TRIM58: variants seen among roughly 807,000 people sequenced by gnomAD.
The protein encoded by TRIM58 is E3 ubiquitin-protein ligase TRIM58.
Under a neutral mutation model 34.1 loss-of-function variants are expected in TRIM58, and 38 were observed. The ratio of observed to expected loss-of-function variants is 1.12; its 90% CI spans 0.86 to 1.46. The LOEUF is 1.46. Ranked by LOEUF, TRIM58 falls within the 40% of genes most tolerant of loss-of-function variation. The pLI is 0.00. For missense variants in TRIM58, 677 were observed against 642.0 expected (o/e 1.05, Z -0.59); for synonymous variants, 273 against 275.7 (o/e 0.99, Z 0.10).
chr1:247,857,700 G>C, intron 1 of TRIM58, 34 bp downstream of exon 1: 4 of 1,214,384 alleles, frequency 3.3e-6, no homozygotes, highest in Non-Finnish European at 3.1e-6. Context: ...TGCGGGCGCT[G>C]CGGTGACCGG....
At chr1:247,869,097 A>G (rs1257959307) in intron 5 of TRIM58, among the ~76,000 whole-genome samples, 1 of 152,160 alleles carries the variant, frequency 6.6e-6, no homozygotes, top group African/African-American at 2.4e-5. Context: ...ACGGGGTCTC[A>G]CCATGTTAGC....
At chr1:247,869,100 A>G (rs934414575) in intron 5 of TRIM58, among the ~76,000 whole-genome samples, 3 of 152,180 alleles carry the variant, frequency 2.0e-5, no homozygotes, top group African/African-American at 4.8e-5. Context: ...GGGTCTCACC[A>G]TGTTAGCCAG....
chr1:247,878,499 C>T lies in TRIM58; in HGVS notation c.*2010C>T, dbSNP rs943838048. Among the ~76,000 whole-genome samples the T allele has an allele frequency of 9.2e-5, 14 of 152,174 alleles. No homozygotes were observed. The highest frequency in any genetic ancestry group is 1.5e-4 in the Non-Finnish European group (10 of 68,038). Reference sequence around the variant, plus strand: ...ATAGATTTGCAAACAGAGGAAATAACGCATCCTCGTGTCCCTCTTCTTGGT... The same window carrying T: ...ATAGATTTGCAAACAGAGGAAATAATGCATCCTCGTGTCCCTCTTCTTGGT... On this transcript the variant is annotated 3_prime_UTR_variant, in exon 6 of 6. Coordinates refer to ENST00000366481, the MANE Select transcript of TRIM58 (RefSeq NM_015431.4).
At position 247,878,016 on chromosome 1, in the gene TRIM58, A is replaced by T. The variant is rs1659329355; in HGVS notation, c.*1527A>T. 1 of 152,188 alleles carries T rather than the reference A, an allele frequency of 6.6e-6. No homozygotes were observed. Among genetic ancestry groups the T allele is most frequent in the South Asian group, 2.1e-4 (1 of 4,816 alleles). 9.4% of individuals were successfully genotyped at this position (152,188 alleles called of 1,614,324 possible). A position where few individuals can be genotyped will look rare whatever the true frequency, so the allele number is the denominator to read the frequency against. On this transcript the variant is annotated 3_prime_UTR_variant, in exon 6 of 6. Transcript: ENST00000366481. ...TCTACTAAAAATACAAAAAGAAATT[A>T]GCTGGGCGTGGTGGTGGGTGCCTGT...
At position 247,864,861 on chromosome 1, in the gene TRIM58, C is replaced by T; in HGVS notation, c.673C>T (p.Gln225Ter). Residue 225 changes from glutamine (Q) to a stop codon, truncating the protein, a stop_gained, in exon 3 of 6, where the codon CAG (glutamine) becomes TAG (stop). Transcript: ENST00000366481. LOFTEE classifies it high-confidence loss of function. ...GGAGAGCAAGAGCCGGCTGGTCCAG[C>T]AGAGCAAGGCCCTGAAGGAGCTGGC... ...LRESKSRLVQ[Q>*]SKALKELADE... is the part of the protein sequence containing the mutation. 1 of 1,611,628 alleles carries T rather than the reference C, an allele frequency of 6.2e-7. No individual in the cohort carries two copies. Among genetic ancestry groups the T allele is most frequent in the African/African-American group, 1.3e-5 (1 of 74,992 alleles).
At chr1:247,862,792 C>T (rs10788731) in intron 2 of TRIM58, among the ~76,000 whole-genome samples, 137,489 of 152,248 alleles carry the variant, frequency 0.9, 62,265 homozygotes, top group Non-Finnish European at 0.94. Context: ...GCAAACACAT[C>T]TTTGGTCAAA....
intron 1 of TRIM58, 56 bp from the exon 2 acceptor site, chr1:247,860,561 T>C: frequency 3.2e-6 from 4 of 1,239,520 alleles, no homozygotes; most frequent in Non-Finnish European, 4.7e-6. Context: ...CACACATCTG[T>C]GTGACGTTAG....
intron 3 of TRIM58, among the ~76,000 whole-genome samples, chr1:247,866,728 G>A (rs558323038): frequency 3.3e-5 from 5 of 152,196 alleles, no homozygotes; most frequent in South Asian, 4.2e-4. Flanking sequence ...TCAGCCTCCC[G>A]AGTAGCTGGG....
In TRIM58 at chr1:247,867,925, A is replaced by G. The variant is rs763712001; in HGVS notation, c.771-38A>G. 6 of 1,613,538 alleles carry G rather than the reference A, an allele frequency of 3.7e-6. No homozygotes were observed. In the African/African-American group the frequency reaches 8.0e-5, roughly 22 times the overall value. ...GGGAGAGGCAGAGGAGCTGGTGGAG[A>G]ACCCTGCTGACTTCTGTGGTTTCTG... On this transcript the variant is annotated intron_variant, in intron 4 of 5. Transcript: ENST00000366481.
intron 5 of TRIM58, among the ~76,000 whole-genome samples, chr1:247,868,468 G>A (rs973428957): frequency 6.6e-6 from 1 of 152,116 alleles, no homozygotes; most frequent in Non-Finnish European, 1.5e-5. Flanking sequence ...ATTTCTCTCC[G>A]CAAACAGCCA....
At chr1:247,871,437 A>C (rs951023714) in intron 5 of TRIM58, among the ~76,000 whole-genome samples, 1 of 152,246 alleles carries the variant, frequency 6.6e-6, no homozygotes, top group Non-Finnish European at 1.5e-5. Context: ...TCTTTAAAAC[A>C]GTATAGATTC....
chr1:247,876,583 T>A lies in TRIM58; in HGVS notation c.*94T>A. The A allele has an allele frequency of 1.1e-6, 1 of 917,584 alleles. No homozygotes were observed. Among genetic ancestry groups the A allele is most frequent in the Non-Finnish European group, 1.6e-6 (1 of 615,838 alleles). The allele number at this position is 917,584 out of a possible 1,614,324, so 56.8% of individuals were successfully genotyped here. ...ACTAAGTTTTAACAGATACCCCATT[T>A]AGGTCAGCACTTGATTCGTTGTTGC... is the stretch of plus-strand genomic sequence containing the variant. On this transcript the variant is annotated 3_prime_UTR_variant, in exon 6 of 6. Coordinates refer to ENST00000366481, the MANE Select transcript of TRIM58 (RefSeq NM_015431.4).
rs920998016 is a variant in TRIM58, at chr1:247,878,508, G to A, written c.*2019G>A. Reference sequence around the variant, plus strand: ...CAAACAGAGGAAATAACGCATCCTCGTGTCCCTCTTCTTGGTGTTCCACAG... The same window carrying A: ...CAAACAGAGGAAATAACGCATCCTCATGTCCCTCTTCTTGGTGTTCCACAG... On this transcript the variant is annotated 3_prime_UTR_variant, in exon 6 of 6. Coordinates refer to ENST00000366481, the MANE Select transcript of TRIM58 (RefSeq NM_015431.4). 2.6e-5 allele frequency among the ~76,000 whole-genome samples: 4 copies of A among 152,082 alleles called. No homozygotes were observed. The highest frequency in any genetic ancestry group is 2.1e-4 in the South Asian group (1 of 4,826).
chr1:247,879,693 C>G lies in TRIM58; in HGVS notation c.*3204C>G, dbSNP rs1221955290. Among the ~76,000 whole-genome samples the G allele has an allele frequency of 2.6e-5, 4 of 151,494 alleles. No individual in the cohort carries two copies. Among genetic ancestry groups the G allele is most frequent in the Non-Finnish European group, 4.4e-5 (3 of 67,972 alleles). ...CTGCCCTGGCCTCATGGCTGGGTTT[C>G]CACCAAAGCAGGCACTTCCCATCAC... On this transcript the variant is annotated 3_prime_UTR_variant, in exon 6 of 6. Coordinates refer to ENST00000366481, the MANE Select transcript of TRIM58 (RefSeq NM_015431.4).
intron 1 of TRIM58, 43 bp downstream of exon 1, chr1:247,857,709 G>A (rs946881245): frequency 2.5e-6 from 3 of 1,211,362 alleles, no homozygotes; most frequent in Admixed American, 4.4e-5. Flanking sequence ...TGCGGTGACC[G>A]GGAAGCGGGC....
At position 247,876,583 on chromosome 1, in the gene TRIM58, T is replaced by C. The variant is rs1572581234; in HGVS notation, c.*94T>C. The C allele has an allele frequency of 1.1e-6, 1 of 917,586 alleles. No homozygotes were observed. Among genetic ancestry groups the C allele is most frequent in the East Asian group, 2.6e-5 (1 of 38,258 alleles). The allele number at this position is 917,586 out of a possible 1,614,324, so 56.8% of individuals were successfully genotyped here. On this transcript the variant is annotated 3_prime_UTR_variant, in exon 6 of 6. Transcript: ENST00000366481. ...ACTAAGTTTTAACAGATACCCCATT[T>C]AGGTCAGCACTTGATTCGTTGTTGC...
intron 1 of TRIM58, 49 bp downstream of exon 1, chr1:247,857,715 C>G (rs1663671218): frequency 2.5e-6 from 3 of 1,209,632 alleles, no homozygotes; most frequent in Admixed American, 4.4e-5. Flanking sequence ...GACCGGGAAG[C>G]GGGCGACAGT....
In TRIM58 at chr1:247,864,667, G is replaced by A. The variant is rs1572572275; in HGVS notation, c.517-38G>A. 1.9e-6 allele frequency: 3 copies of A among 1,604,330 alleles called. No homozygotes were observed. The South Asian group carries it at 3.3e-5, about 18-fold the overall frequency. ...ACTGTCCTGTACATGGCTGCTGGAG[G>A]CCAAGCACTGACGATGTGATCCACG... On this transcript the variant is annotated intron_variant, in intron 2 of 5. Transcript: ENST00000366481.
chr1:247,862,727 A>G (rs1273957816), intron 2 of TRIM58, among the ~76,000 whole-genome samples: 2 of 152,202 alleles, frequency 1.3e-5, no homozygotes, highest in African/African-American at 2.4e-5. Context: ...GTTCTAAGCC[A>G]AGTAAACTTG....
Sources: gnomAD v4.1 joint callset for allele counts (sites outside exome capture counted in the v4.1 genomes callset) on GRCh38, gnomAD v4.1.1 for gene constraint, MANE v1.5 for transcripts, NCBI Gene and HGNC (gene_info 2026-07-23, HGNC 2026-07-21) for gene names.